Variants in TMEM9B observed in about 807,000 individuals in gnomAD.
TMEM9B encodes the protein TMEM9 domain family member B.
TMEM9B carries 8 observed loss-of-function variants against 23.5 expected under a neutral mutation model. The observed-to-expected ratio is 0.34, with a 90% CI of 0.20 to 0.61. The LOEUF (loss-of-function observed/expected upper bound fraction) is 0.61. Among genes scored for constraint, TMEM9B ranks in the 20% least tolerant of loss-of-function variants. The probability of loss-of-function intolerance (pLI) is 0.78; values close to 1 mark genes in which losing one functional copy is unlikely to be tolerated. For synonymous variants in TMEM9B, 106 were observed against 96.3 expected, an observed-to-expected ratio of 1.10 and a Z score of -0.59; for missense variants, 197 against 252.3, an observed-to-expected ratio of 0.78 and a Z score of 1.49.
chr11:8,948,413 C>T lies in TMEM9B; in HGVS notation c.504G>A (p.Val168=). 1 of 1,614,242 alleles carries T rather than the reference C, an allele frequency of 6.2e-7. No individual in the cohort carries two copies. The highest frequency in any genetic ancestry group is 1.1e-5 in the South Asian group (1 of 91,084). Residue 168 remains valine (V), a synonymous_variant, in exon 5 of 5, where the codon GTG becomes GTA. Coordinates refer to ENST00000534025, the MANE Select transcript of TMEM9B (RefSeq NM_020644.3). ...GCTGTGCATATTCTACCTTGTTCAG[C>T]ACGTTGGCTCGACTGCGGGAGCGGG... ...VLARSRSRAN[V]LNKVEYAQQR... is the part of the protein sequence containing the mutation.
At chr11:8,955,256 A>T (rs927338399) in intron 3 of TMEM9B, among the ~76,000 whole-genome samples, 4 of 152,106 alleles carry the variant, frequency 2.6e-5, no homozygotes, top group Non-Finnish European at 4.4e-5. Flanking sequence ...CCCATTTACT[A>T]CAGCAATACT....
Position 8,964,363 on chromosome 11 carries a change from C to CAGCTCG in TMEM9B, c.-51_-50insCGAGCT, listed in dbSNP as rs1555229131. On this transcript the variant is annotated 5_prime_UTR_variant, in exon 1 of 5. Coordinates refer to ENST00000534025, the MANE Select transcript of TMEM9B (RefSeq NM_020644.3). ...GCCCGGAGCCCCCGCGACCGGCTCC[C>CAGCTCG]GGCTCGGGCTCAGGCTCAGGCTCAG... 2.7e-6 allele frequency: 4 copies of CAGCTCG among 1,492,130 alleles called. No individual in the cohort carries two copies. The Admixed American group carries it at 8.4e-5, about 31-fold the overall frequency. 92.4% of individuals were successfully genotyped at this position (1,492,130 alleles called of 1,614,324 possible).
chr11:8,951,992 C>T (rs981817575), intron 4 of TMEM9B, among the ~76,000 whole-genome samples: 1 of 151,824 alleles, frequency 6.6e-6, no homozygotes, highest in Non-Finnish European at 1.5e-5. Flanking sequence ...GCCTGTAGAA[C>T]CAGCTACCTG....
rs117030635 is a variant in TMEM9B at position 8,963,824 on chromosome 11, G to A, written c.105+385C>T. The stretch of plus-strand genomic sequence containing the variant: ...GGCATGCGGGGCCTGTGAGGCTGGC[G>A]GAGGGCGCAGGTGGGCTGTCAAGAG... On this transcript the variant is annotated intron_variant, in intron 1 of 4. Coordinates refer to ENST00000534025, the MANE Select transcript of TMEM9B (RefSeq NM_020644.3). Among the ~76,000 whole-genome samples the A allele has an allele frequency of 1.5e-3, 231 of 152,080 alleles. 8 individuals are homozygous for A. The East Asian group carries it at 0.038, about 25-fold the overall frequency.
At chr11:8,948,528 T>C (rs925568858) in intron 4 of TMEM9B, 53 bp from the exon 5 acceptor site, 20 of 1,581,576 alleles carry the variant, frequency 1.3e-5, no homozygotes, top group Middle Eastern at 1.8e-4. Context: ...GTGTAAAACA[T>C]AGACACACAA....
At position 8,953,221 on chromosome 11, in the gene TMEM9B, C is replaced by G. The variant is rs1853915162; in HGVS notation, c.423G>C (p.Gln141His). 1 of 1,614,062 alleles carries G rather than the reference C, an allele frequency of 6.2e-7. No homozygotes were observed. The highest frequency in any genetic ancestry group is 1.3e-5 in the African/African-American group (1 of 74,894). The change falls in exon 4 of 5, where the codon CAG (glutamine) becomes CAC (histidine). Residue 141 changes from glutamine (Q) to histidine (H), a missense_variant. Gln to His is a conservative substitution (Grantham distance 24). Transcript: ENST00000534025. ...RRLFGHAQLI[Q>H]SDDDIGDHQP... ...AACTTACCCCAATATCATCATCACT[C>G]TGTATCAACTGTGCATGTCCAAAGA...
At chr11:8,964,552 T>C, upstream of TMEM9B, 1 of 1,237,852 alleles carries the variant, frequency 8.1e-7, no homozygotes, top group East Asian at 3.0e-5. Flanking sequence ...GTGCCCGCCT[T>C]GGCCTAGCCC....
At chr11:8,954,832 G>A (rs188468697) in intron 3 of TMEM9B, among the ~76,000 whole-genome samples, 2 of 152,038 alleles carry the variant, frequency 1.3e-5, no homozygotes, top group East Asian at 1.9e-4. Context: ...GGGCCTTTTG[G>A]GGGGAAAGGA....
Position 8,957,117 on chromosome 11 carries a change from C to T in TMEM9B, c.198-819G>A, listed in dbSNP as rs1219776690. Among the ~76,000 whole-genome samples, 1 of 152,158 alleles carries T rather than the reference C, an allele frequency of 6.6e-6. No homozygotes were observed. The highest frequency in any genetic ancestry group is 1.5e-5 in the Non-Finnish European group (1 of 68,026). On this transcript the variant is annotated intron_variant, in intron 2 of 4. Transcript: ENST00000534025. This position sits in a 1 kb window ranked among gnomAD's most constrained non-coding sequence, Gnocchi z 4.3. ...TCTGAAAATTGAACCCTCAAAGCCA[C>T]ACACAGGAAGAAACAATCACTTTTC...
At chr11:8,953,423 ATCTG>A in intron 3 of TMEM9B, 86 bp from the exon 4 acceptor site, 1 of 1,355,152 alleles carries the variant, frequency 7.4e-7, no homozygotes, top group Admixed American at 1.9e-5. Flanking sequence ...TGACTGACAT[ATCTG>A]CTAAGCCTAT....
chr11:8,950,480 G>C (rs1853855349), intron 4 of TMEM9B, among the ~76,000 whole-genome samples: 1 of 152,194 alleles, frequency 6.6e-6, no homozygotes, highest in South Asian at 2.1e-4. Context: ...GCCTAGTGCT[G>C]TTATCTATTC....
intron 4 of TMEM9B, among the ~76,000 whole-genome samples, chr11:8,948,749 G>A (rs1324470840): frequency 6.6e-6 from 1 of 152,138 alleles, no homozygotes; most frequent in Non-Finnish European, 1.5e-5. Flanking sequence ...TTAAAGAAGT[G>A]GAGACCAAGC....
At chr11:8,958,201 G>A (rs372291050) in intron 2 of TMEM9B, among the ~76,000 whole-genome samples, 5 of 140,534 alleles carry the variant, frequency 3.6e-5, no homozygotes, top group African/African-American at 1.1e-4. Flanking sequence ...GGTGGCTCAC[G>A]CCTGTAATCT....
chr11:8,964,086 AGCT>A (rs1286920755), intron 1 of TMEM9B, 120 bp downstream of exon 1: 3 of 952,238 alleles, frequency 3.2e-6, no homozygotes, highest in Non-Finnish European at 4.5e-6. Flanking sequence ...GGTCTGCCGG[AGCT>A]GTGAGGCCAG....
rs1257429615 is a variant in TMEM9B at position 8,948,225 on chromosome 11, TCAA to T, written c.*92_*94del. 2 of 1,430,610 alleles carry T rather than the reference TCAA, an allele frequency of 1.4e-6. No individual in the cohort carries two copies. 88.6% of individuals were successfully genotyped at this position (1,430,610 alleles called of 1,614,324 possible). ...AATCTTCCAGCAACAGTTGGTGAAA[TCAA>T]CAAGGTATTAAAATGAAACCCAGCA... On this transcript the variant is annotated 3_prime_UTR_variant, in exon 5 of 5. Transcript: ENST00000534025.
In TMEM9B at chr11:8,948,322, A is replaced by G. The variant is rs749018641; in HGVS notation, c.595T>C (p.Ter199GlnextTer28). ...GTCACCTTGAATTCAATTCCCAATT[A>G]GCTGAGGACAACATGCCGGTCAAAG... ...SVFDRHVVLS* is the reference protein window; with the variant it reads ...SVFDRHVVLSQ The change falls in exon 5 of 5, where the codon TAA becomes CAA. Residue 199 changes from the stop codon to glutamine (Q), a stop_lost. Coordinates refer to ENST00000534025, the MANE Select transcript of TMEM9B (RefSeq NM_020644.3). 2 of 1,613,184 alleles carry G rather than the reference A, an allele frequency of 1.2e-6. No homozygotes were observed. Among genetic ancestry groups the G allele is most frequent in the Non-Finnish European group, 1.7e-6 (2 of 1,179,668 alleles).
Position 8,947,930 on chromosome 11 carries a change from C to CT in TMEM9B, c.*389dup, listed in dbSNP as rs1402123009. On this transcript the variant is annotated 3_prime_UTR_variant, in exon 5 of 5. Coordinates refer to ENST00000534025, the MANE Select transcript of TMEM9B (RefSeq NM_020644.3). ...ACCACTTCCCAGGCATCCCTCCCCT[C>CT]TCCCACCAAAACAAACAAACAAAAA... 1 of 160,210 alleles carries CT rather than the reference C, an allele frequency of 6.2e-6. No homozygotes were observed. The highest frequency in any genetic ancestry group is 2.4e-5 in the African/African-American group (1 of 41,504). 9.9% of individuals were successfully genotyped at this position (160,210 alleles called of 1,614,324 possible). A position where few individuals can be genotyped will look rare whatever the true frequency, so the allele number is the denominator to read the frequency against.
intron 4 of TMEM9B, among the ~76,000 whole-genome samples, chr11:8,949,984 G>A (rs1461824840): frequency 1.3e-5 from 2 of 151,372 alleles, no homozygotes; most frequent in Non-Finnish European, 2.9e-5. Flanking sequence ...CTGCAGCCTT[G>A]AACTCCTGGC....
chr11:8,948,415 C>A lies in TMEM9B; in HGVS notation c.502G>T (p.Val168Leu), dbSNP rs764636398. The change falls in exon 5 of 5, where the codon GTG (valine) becomes TTG (leucine). Residue 168 changes from valine (V) to leucine (L), a missense_variant. Around this residue, in one of 2 missense-constraint regions of TMEM9B, gnomAD observed 141 missense variants for 214.1 expected, o/e 0.66. Transcript: ENST00000534025. ...VLARSRSRAN[V>L]LNKVEYAQQR... ...TGTGCATATTCTACCTTGTTCAGCACGTTGGCTCGACTGCGGGAGCGGGCT... is the reference window on the plus strand; with the variant it reads ...TGTGCATATTCTACCTTGTTCAGCAAGTTGGCTCGACTGCGGGAGCGGGCT... 1 of 1,614,236 alleles carries A rather than the reference C, an allele frequency of 6.2e-7. No individual in the cohort carries two copies. The highest frequency in any genetic ancestry group is 8.5e-7 in the Non-Finnish European group (1 of 1,180,040).
Sources: gnomAD v4.1 joint callset for allele counts (sites outside exome capture counted in the v4.1 genomes callset) on GRCh38, gnomAD v4.1.1 for gene constraint, gnomAD v4.1.1 regional missense constraint, Gnocchi (gnomAD v3.1) non-coding constraint, MANE v1.5 for transcripts, NCBI Gene and HGNC (gene_info 2026-07-23, HGNC 2026-07-21) for gene names.